UNC5C: variants seen among roughly 807,000 people sequenced by gnomAD.
UNC5C encodes unc-5 netrin receptor C, also known as netrin receptor UNC5C.
UNC5C carries 47 observed loss-of-function variants against 99.8 expected under a neutral mutation model. The observed-to-expected ratio is 0.47, with a 90% CI of 0.37 to 0.60. UNC5C has a LOEUF of 0.60. UNC5C is among the 20% of genes least tolerant of loss of function. The pLI, the probability that UNC5C is intolerant of heterozygous loss-of-function variation, is 0.00. For synonymous variants in UNC5C, 487 were observed against 452.2 expected, an observed-to-expected ratio of 1.08 and a Z score of -0.98; for missense variants, 1,062 against 1,165.9, an observed-to-expected ratio of 0.91 and a Z score of 1.30.
intron 4 of UNC5C, among the ~76,000 whole-genome samples, chr4:95,267,154 G>C (rs1359878093): frequency 6.6e-6 from 1 of 152,144 alleles, no homozygotes; most frequent in Non-Finnish European, 1.5e-5. Context: ...AAAAACAGAA[G>C]ACAAATATCT....
In UNC5C at chr4:95,319,661, C is replaced by CTGA. The variant is rs1742606437; in HGVS notation, c.346+15746_346+15748dup. 2.0e-5 allele frequency among the ~76,000 whole-genome samples: 3 copies of CTGA among 152,264 alleles called. No individual in the cohort carries two copies. The South Asian group carries it at 6.2e-4, about 32-fold the overall frequency. On this transcript the variant is annotated intron_variant, in intron 2 of 15. Coordinates refer to ENST00000453304, the MANE Select transcript of UNC5C (RefSeq NM_003728.4). Reference sequence around the variant, plus strand: ...TCACTAGCTGAGGGAAGACTCAGGACTGATGGTAAACACGGGGGAAGACAA... The same window carrying CTGA: ...TCACTAGCTGAGGGAAGACTCAGGACTGATGATGGTAAACACGGGGGAAGACAA...
At chr4:95,548,080 G>T (rs1191222053) in intron 1 of UNC5C, among the ~76,000 whole-genome samples, 1 of 152,216 alleles carries the variant, frequency 6.6e-6, no homozygotes, top group Non-Finnish European at 1.5e-5. Flanking sequence ...GGCATGAAGC[G>T]GGGTATGTAT....
At chr4:95,545,725 G>A (rs1723039674) in intron 1 of UNC5C, among the ~76,000 whole-genome samples, 1 of 152,054 alleles carries the variant, frequency 6.6e-6, no homozygotes, top group Non-Finnish European at 1.5e-5. Flanking sequence ...TAAACCAGGA[G>A]GGTCCTAATT....
intron 1 of UNC5C, among the ~76,000 whole-genome samples, chr4:95,397,820 T>C (rs970933008): frequency 6.6e-6 from 1 of 152,290 alleles, no homozygotes; most frequent in African/African-American, 2.4e-5. Context: ...AAATTAACTG[T>C]GCAAAGCAAA....
chr4:95,397,840 T>G (rs1745563389), intron 1 of UNC5C, among the ~76,000 whole-genome samples: 1 of 152,116 alleles, frequency 6.6e-6, no homozygotes, highest in Non-Finnish European at 1.5e-5. Context: ...AGAGTAGAAA[T>G]CATCTTATTA....
intron 1 of UNC5C, among the ~76,000 whole-genome samples, chr4:95,424,218 AT>A (rs1038945766): frequency 5.9e-5 from 9 of 152,154 alleles, no homozygotes; most frequent in Admixed American, 1.3e-4. Flanking sequence ...AAATAAAAAA[AT>A]AAACCGGAAT....
intron 1 of UNC5C, among the ~76,000 whole-genome samples, chr4:95,499,043 A>T (rs1211208736): frequency 6.6e-6 from 1 of 152,112 alleles, no homozygotes; most frequent in Non-Finnish European, 1.5e-5. Flanking sequence ...CTAAAGCTTT[A>T]CAGGAGACCT....
At chr4:95,250,799 A>G in intron 4 of UNC5C, 132 bp from the exon 5 acceptor site, 1 of 898,592 alleles carries the variant, frequency 1.1e-6, no homozygotes, top group Non-Finnish European at 1.7e-6. Context: ...TGTAATATGT[A>G]CAATGTTGTT....
intron 10 of UNC5C, among the ~76,000 whole-genome samples, chr4:95,209,684 A>G (rs1175518326): frequency 6.6e-6 from 1 of 152,110 alleles, no homozygotes; most frequent in Non-Finnish European, 1.5e-5. Context: ...CTTGGTTTTC[A>G]TTTTCTCTTA....
At chr4:95,267,989 A>G (rs970408244) in intron 4 of UNC5C, among the ~76,000 whole-genome samples, 7 of 126,768 alleles carry the variant, frequency 5.5e-5, no homozygotes, top group Non-Finnish European at 9.3e-5. Flanking sequence ...CTGCTCTGTA[A>G]CCCAGGCTGG....
chr4:95,202,145 A>G (rs1737699926), intron 12 of UNC5C, among the ~76,000 whole-genome samples: 1 of 151,958 alleles, frequency 6.6e-6, no homozygotes, highest in South Asian at 2.1e-4. Flanking sequence ...TACCTCCTCA[A>G]CCTTGGCATA....
chr4:95,400,800 C>A (rs1247832333), intron 1 of UNC5C, among the ~76,000 whole-genome samples: 1 of 152,184 alleles, frequency 6.6e-6, no homozygotes, highest in East Asian at 1.9e-4. Context: ...TGCCCCTGAC[C>A]AACAGCTGCA....
chr4:95,421,644 T>A (rs946320408), intron 1 of UNC5C, among the ~76,000 whole-genome samples: 2 of 90,776 alleles, frequency 2.2e-5, no homozygotes, highest in African/African-American at 8.0e-5. Flanking sequence ...ACACACACAC[T>A]GCTAATTGTT....
chr4:95,493,884 G>A (rs1284344721), intron 1 of UNC5C, among the ~76,000 whole-genome samples: 1 of 151,364 alleles, frequency 6.6e-6, no homozygotes, highest in Non-Finnish European at 1.5e-5. Flanking sequence ...TGATAGATAG[G>A]AAATCTCCAC....
intron 1 of UNC5C, among the ~76,000 whole-genome samples, chr4:95,395,377 T>G (rs1310517601): frequency 2.6e-5 from 4 of 152,202 alleles, no homozygotes; most frequent in Admixed American, 2.0e-4. Flanking sequence ...TTATTAACTT[T>G]ATTCTTATAT....
chr4:95,170,030 A>G, intron 15 of UNC5C, 124 bp downstream of exon 15: 1 of 1,339,700 alleles, frequency 7.5e-7, no homozygotes, highest in Non-Finnish European at 1.0e-6. Flanking sequence ...GCATATTTGC[A>G]AAATGAAAAA....
chr4:95,284,764 A>G (rs1380595539), intron 3 of UNC5C, among the ~76,000 whole-genome samples: 1 of 152,218 alleles, frequency 6.6e-6, no homozygotes, highest in East Asian at 1.9e-4. Context: ...CATGGGACAG[A>G]GAGGATAGGG....
At chr4:95,448,868 G>T (rs1363387313) in intron 1 of UNC5C, among the ~76,000 whole-genome samples, 1 of 151,950 alleles carries the variant, frequency 6.6e-6, no homozygotes, top group Non-Finnish European at 1.5e-5. Flanking sequence ...GTGTTTTCTG[G>T]CCAGTTTAAC....
chr4:95,535,579 G>A (rs72876497), intron 1 of UNC5C, among the ~76,000 whole-genome samples: 4,577 of 152,072 alleles, frequency 0.03, 208 homozygotes, highest in African/African-American at 0.1. Flanking sequence ...TGGAATCTTC[G>A]CCTTGAAAAT....
Sources: gnomAD v4.1 joint callset for allele counts (sites outside exome capture counted in the v4.1 genomes callset) on GRCh38, gnomAD v4.1.1 for gene constraint, MANE v1.5 for transcripts, NCBI Gene and HGNC (gene_info 2026-07-23, HGNC 2026-07-21) for gene names.